The following N4BP1 variants were observed in gnomAD, a reference collection of about 807,000 sequenced individuals.
The protein encoded by N4BP1 is NEDD4 binding protein 1, also known as NEDD4-binding protein 1.
A neutral mutation model predicts 70.9 loss-of-function variants in N4BP1; 21 were observed. That is an observed-to-expected ratio of 0.30 (90% CI 0.21 to 0.43). N4BP1 has a LOEUF of 0.43. Among genes scored for constraint, N4BP1 ranks in the 20% least tolerant of loss-of-function variants. N4BP1 has a pLI of 1.00. For synonymous variants in N4BP1, 387 were observed against 394.6 expected, an observed-to-expected ratio of 0.98 and a Z score of 0.23; for missense variants, 936 against 1,069.4, an observed-to-expected ratio of 0.88 and a Z score of 1.74.
intron 4 of N4BP1, among the ~76,000 whole-genome samples, chr16:48,548,424 A>T (rs1258756565): frequency 2.0e-5 from 3 of 152,260 alleles, no homozygotes; most frequent in African/African-American, 7.2e-5. Context: ...TGAAGACCAG[A>T]GCAGAGAATG....
chr16:48,608,397 A>T (rs1964618660), intron 1 of N4BP1, among the ~76,000 whole-genome samples: 1 of 152,190 alleles, frequency 6.6e-6, no homozygotes, highest in African/African-American at 2.4e-5. Flanking sequence ...TTTTTTGTTA[A>T]ATCTAAGAAC....
intron 2 of N4BP1, among the ~76,000 whole-genome samples, chr16:48,560,377 A>T (rs201993717): frequency 3.6e-5 from 2 of 55,872 alleles, no homozygotes; most frequent in African/African-American, 1.3e-4. Context: ...ATAATAAGAT[A>T]AAAAAAAATC....
intron 1 of N4BP1, among the ~76,000 whole-genome samples, chr16:48,601,192 C>T (rs542388239): frequency 6.8e-4 from 103 of 152,164 alleles, no homozygotes; most frequent in Non-Finnish European, 1.3e-3. Flanking sequence ...TTTAATCATT[C>T]TGATAGGCAG....
intron 1 of N4BP1, among the ~76,000 whole-genome samples, chr16:48,601,005 A>T (rs926169473): frequency 1.3e-5 from 2 of 152,242 alleles, no homozygotes; most frequent in Non-Finnish European, 2.9e-5. Flanking sequence ...TTTGCAGCCA[A>T]ATATTCCCTT....
At chr16:48,588,391 T>C (rs1175206584) in intron 1 of N4BP1, among the ~76,000 whole-genome samples, 1 of 151,202 alleles carries the variant, frequency 6.6e-6, no homozygotes, top group Non-Finnish European at 1.5e-5. Flanking sequence ...GCCTCTCAGG[T>C]TCAAGTGATT....
chr16:48,607,533 T>C (rs903335377), intron 1 of N4BP1, among the ~76,000 whole-genome samples: 4 of 152,044 alleles, frequency 2.6e-5, no homozygotes, highest in Admixed American at 2.6e-4. Context: ...GGAGGATTAC[T>C]CTAACACAAG....
chr16:48,558,440 G>A (rs1963790295), intron 2 of N4BP1, among the ~76,000 whole-genome samples: 1 of 152,146 alleles, frequency 6.6e-6, no homozygotes, highest in African/African-American at 2.4e-5. Context: ...AACGACTGGG[G>A]AAGGATATTA....
At chr16:48,577,357 A>G (rs1259042877) in intron 1 of N4BP1, among the ~76,000 whole-genome samples, 2 of 151,760 alleles carry the variant, frequency 1.3e-5, no homozygotes, top group Non-Finnish European at 2.9e-5. Context: ...TTGCTCCTTA[A>G]ATTTCCCAAA....
intron 1 of N4BP1, among the ~76,000 whole-genome samples, chr16:48,576,726 A>G (rs949828749): frequency 9.9e-5 from 15 of 151,906 alleles, no homozygotes; most frequent in African/African-American, 3.4e-4. Flanking sequence ...TCTCCTTCCT[A>G]CTTTTTCAAA....
At position 48,542,931 on chromosome 16, in the gene N4BP1, A is replaced by G; in HGVS notation, c.2664T>C (p.Asn888=). ...LVAHPYMKDL[N]ALSAMVLD is the part of the protein sequence containing the mutation. ...AATCCAACACCATGGCAGAAAGCGCATTTAGATCTTTCATGTATGGGTGGG... is the reference window on the plus strand; with the variant it reads ...AATCCAACACCATGGCAGAAAGCGCGTTTAGATCTTTCATGTATGGGTGGG... The change falls in exon 7 of 7, where the codon AAT becomes AAC. Residue 888 remains asparagine, a synonymous_variant. Coordinates refer to ENST00000262384, the MANE Select transcript of N4BP1 (RefSeq NM_153029.4). The G allele has an allele frequency of 6.2e-7, 1 of 1,611,986 alleles. No homozygotes were observed. The highest frequency in any genetic ancestry group is 1.3e-5 in the African/African-American group (1 of 75,036).
rs957681167 is a variant in N4BP1, at chr16:48,538,839, G to C, written c.*4065C>G. 6.5e-6 allele frequency: 1 copy of C among 153,102 alleles called. No individual in the cohort carries two copies. The highest frequency in any genetic ancestry group is 6.5e-5 in the Admixed American group (1 of 15,288). 9.5% of individuals were successfully genotyped at this position (153,102 alleles called of 1,614,324 possible). A position where few individuals can be genotyped will look rare whatever the true frequency, so the allele number is the denominator to read the frequency against. Reference sequence around the variant, plus strand: ...CTGCCCACGAGGAGCTCACAGTCTAGAAAGGGCAGCAAGACAGTACACAAT... The same window carrying C: ...CTGCCCACGAGGAGCTCACAGTCTACAAAGGGCAGCAAGACAGTACACAAT... On this transcript the variant is annotated 3_prime_UTR_variant, in exon 7 of 7. Coordinates refer to ENST00000262384, the MANE Select transcript of N4BP1 (RefSeq NM_153029.4).
chr16:48,600,302 C>A, intron 1 of N4BP1: 1 of 1,117,666 alleles, frequency 8.9e-7, no homozygotes, highest in Non-Finnish European at 1.3e-6. Flanking sequence ...ACAATCCTTG[C>A]AAAGTTAGGT....
chr16:48,580,997 G>A (rs1429008693), intron 1 of N4BP1, among the ~76,000 whole-genome samples: 2 of 152,062 alleles, frequency 1.3e-5, no homozygotes, highest in African/African-American at 2.4e-5. Context: ...ATCCGTGAGA[G>A]ATCCTGGAAC....
At chr16:48,550,721 T>G (rs1379793124) in intron 4 of N4BP1, among the ~76,000 whole-genome samples, 2 of 151,792 alleles carry the variant, frequency 1.3e-5, no homozygotes, top group African/African-American at 2.4e-5. Context: ...CTGGCCAACA[T>G]GGAAAAACCC....
intron 6 of N4BP1, 178 bp downstream of exon 6, chr16:48,545,969 A>G: frequency 2.1e-6 from 1 of 468,754 alleles, no homozygotes; most frequent in Non-Finnish European, 3.8e-6. Context: ...CAAAGGTTGC[A>G]GTGAGCCGAA....
intron 2 of N4BP1, among the ~76,000 whole-genome samples, chr16:48,557,996 C>G (rs2151088285): frequency 6.6e-6 from 1 of 152,222 alleles, no homozygotes; most frequent in South Asian, 2.1e-4. Flanking sequence ...GTAAAATTCA[C>G]ACGACTAAAA....
In N4BP1 at chr16:48,574,136, G is replaced by C. The variant is rs1469654711; in HGVS notation, c.199-11692C>G. Among the ~76,000 whole-genome samples, 5 of 152,192 alleles carry C rather than the reference G, an allele frequency of 3.3e-5. No homozygotes were observed. In the South Asian group the frequency reaches 1.0e-3, roughly 31 times the overall value. On this transcript the variant is annotated intron_variant, in intron 1 of 6. Coordinates refer to ENST00000262384, the MANE Select transcript of N4BP1 (RefSeq NM_153029.4). The stretch of plus-strand genomic sequence containing the variant: ...ATAGTTGCCTCTAGGAAGTTAGGGA[G>C]GCTTAGAAGCAAGGAACTGCTGCTG...
chr16:48,545,322 C>T (rs1963573795), intron 6 of N4BP1, among the ~76,000 whole-genome samples: 1 of 150,752 alleles, frequency 6.6e-6, no homozygotes, highest in Admixed American at 6.6e-5. Context: ...GTAATCCCAG[C>T]ACTTTAGGAG....
In N4BP1 at chr16:48,551,450, C is replaced by T; in HGVS notation, c.2053G>A (p.Gly685Arg). The part of the protein sequence containing the change: ...QHFLTQLQEL[G>R]ILSLTPARMV... ...CGGGCAGGAGTTAAAGATAATATTC[C>T]GAGCTCCTGGAGCTGGGTTAAGAAG... The change falls in exon 4 of 7, where the codon GGA becomes AGA. Residue 685 changes from glycine to arginine, a missense_variant. By Grantham distance (125) the Gly-to-Arg change is moderately radical. Around this residue, in one of 4 missense-constraint regions of N4BP1, gnomAD observed 229 missense variants for 343.5 expected, o/e 0.67. Transcript: ENST00000262384. The T allele has an allele frequency of 1.2e-6, 2 of 1,613,354 alleles. No homozygotes were observed. Among genetic ancestry groups the T allele is most frequent in the East Asian group, 2.2e-5 (1 of 44,866 alleles).
Sources: allele counts gnomAD v4.1 joint callset (sites outside exome capture counted in the v4.1 genomes callset), GRCh38; gene constraint gnomAD v4.1.1; regional missense constraint gnomAD v4.1.1; transcripts MANE v1.5; gene names NCBI Gene and HGNC (gene_info 2026-07-23, HGNC 2026-07-21).